Variants in ARL15 observed in about 807,000 individuals in gnomAD.
ARL15 encodes the protein ADP-ribosylation factor-like protein 15.
A neutral mutation model predicts 25.2 loss-of-function variants in ARL15; 19 were observed. The observed-to-expected ratio is 0.75, with a 90% CI of 0.53 to 1.10. ARL15 has a LOEUF of 1.10. Ranked by LOEUF, ARL15 falls within the 50% of genes least tolerant of loss-of-function variation. The pLI, the probability that ARL15 is intolerant of heterozygous loss-of-function variation, is 0.00. For missense variants in ARL15, 220 were observed against 246.0 expected (o/e 0.89, Z 0.71); for synonymous variants, 94 against 86.8 (o/e 1.08, Z -0.46).
chr5:54,199,186 T>TA (rs1194094703), intron 1 of ARL15, among the ~76,000 whole-genome samples: 11 of 152,092 alleles, frequency 7.2e-5, no homozygotes, highest in Non-Finnish European at 1.3e-4. Flanking sequence ...CCTAAAACCA[T>TA]AAAAACCCTA....
At position 53,907,583 on chromosome 5, in the gene ARL15, C is replaced by T. The variant is rs531021678; in HGVS notation, c.463-20870G>A. On this transcript the variant is annotated intron_variant, in intron 4 of 4. Coordinates refer to ENST00000504924, the MANE Select transcript of ARL15 (RefSeq NM_019087.3). Reference sequence around the variant, plus strand: ...CGCAATCTCAGCTCACTGCAAGCTCCGCCTCCTGGGTTCACGCCATTCTCC... The same window carrying T: ...CGCAATCTCAGCTCACTGCAAGCTCTGCCTCCTGGGTTCACGCCATTCTCC... Among the ~76,000 whole-genome samples the T allele has an allele frequency of 4.2e-5, 6 of 142,206 alleles. No homozygotes were observed. The South Asian group carries it at 1.2e-3, about 27-fold the overall frequency. 93.3% of individuals were successfully genotyped at this position (142,206 alleles called of 152,430 possible). A position where few individuals can be genotyped will look rare whatever the true frequency, so the allele number is the denominator to read the frequency against.
chr5:54,101,250 ATATT>A (rs1752429463), intron 4 of ARL15, among the ~76,000 whole-genome samples: 2 of 152,122 alleles, frequency 1.3e-5, no homozygotes, highest in Admixed American at 1.3e-4. Flanking sequence ...TAAATAACAT[ATATT>A]TTTCAGTTCG....
At chr5:54,276,169 G>T (rs1214756972) in intron 1 of ARL15, among the ~76,000 whole-genome samples, 1 of 152,138 alleles carries the variant, frequency 6.6e-6, no homozygotes, top group Non-Finnish European at 1.5e-5. Context: ...ATTAAAATGT[G>T]TGATTATGCA....
intron 4 of ARL15, among the ~76,000 whole-genome samples, chr5:54,010,609 T>G (rs999696000): frequency 2.0e-5 from 3 of 152,154 alleles, no homozygotes; most frequent in African/African-American, 7.2e-5. Context: ...AGCCCAAGAC[T>G]GTCCAACACC....
chr5:54,150,077 G>A (rs1245766467), intron 3 of ARL15, among the ~76,000 whole-genome samples: 1 of 152,216 alleles, frequency 6.6e-6, no homozygotes, highest in Non-Finnish European at 1.5e-5. Flanking sequence ...AAGAAGTCAA[G>A]TATGGAAGAG....
intron 1 of ARL15, among the ~76,000 whole-genome samples, chr5:54,266,966 C>T (rs1352547709): frequency 2.6e-5 from 4 of 152,170 alleles, no homozygotes; most frequent in African/African-American, 9.7e-5. Flanking sequence ...TCCATATATT[C>T]CCTGTATCTG....
At chr5:54,307,839 G>C (rs532596973) in intron 1 of ARL15, 1 of 152,184 alleles carries the variant, frequency 6.6e-6, no homozygotes, top group East Asian at 1.9e-4. Context: ...TGATTAAAAA[G>C]AAATGACACA....
intron 1 of ARL15, among the ~76,000 whole-genome samples, chr5:54,303,144 G>C (rs919436545): frequency 6.6e-6 from 1 of 152,112 alleles, no homozygotes; most frequent in Non-Finnish European, 1.5e-5. Flanking sequence ...GCAACAGGCT[G>C]CTTATGGCCT....
intron 4 of ARL15, among the ~76,000 whole-genome samples, chr5:53,923,983 C>T (rs939345387): frequency 2.4e-4 from 36 of 152,116 alleles, no homozygotes; most frequent in Admixed American, 9.8e-4. Flanking sequence ...TTTGAAAAAC[C>T]GCTGAAGGAA....
At chr5:54,150,083 AAGAG>A (rs1754025405) in intron 3 of ARL15, among the ~76,000 whole-genome samples, 2 of 152,178 alleles carry the variant, frequency 1.3e-5, no homozygotes, top group Non-Finnish European at 2.9e-5. Context: ...TCAAGTATGG[AAGAG>A]TTTCCTCTGG....
At chr5:54,056,473 A>C (rs1579746412) in intron 4 of ARL15, among the ~76,000 whole-genome samples, 1 of 151,888 alleles carries the variant, frequency 6.6e-6, no homozygotes, top group African/African-American at 2.4e-5. Flanking sequence ...TTTACTAAAA[A>C]TAAAAAATCA....
intron 3 of ARL15, among the ~76,000 whole-genome samples, chr5:54,154,081 G>C (rs1754149423): frequency 6.6e-6 from 1 of 152,204 alleles, no homozygotes; most frequent in Non-Finnish European, 1.5e-5. Context: ...ATGAAAGACT[G>C]AGTGATGTAT....
At chr5:54,092,075 A>ACACACACACACACACC (rs1430556476) in intron 4 of ARL15, among the ~76,000 whole-genome samples, 36 of 112,532 alleles carry the variant, frequency 3.2e-4, no homozygotes, top group Non-Finnish European at 4.2e-4. Flanking sequence ...CACACACACC[A>ACACACACACACACACC]CCACCACCAC....
intron 1 of ARL15, among the ~76,000 whole-genome samples, chr5:54,230,206 G>T (rs1294172648): frequency 1.3e-5 from 2 of 151,812 alleles, no homozygotes; most frequent in African/African-American, 4.8e-5. Flanking sequence ...AATTAGCTGG[G>T]CATGGTGGCA....
At chr5:54,197,092 CT>C (rs1179805931) in intron 1 of ARL15, among the ~76,000 whole-genome samples, 1 of 151,770 alleles carries the variant, frequency 6.6e-6, no homozygotes, top group African/African-American at 2.4e-5. Context: ...TTTGTACTTC[CT>C]TTCATATTGG....
chr5:54,019,331 G>C (rs1021799578), intron 4 of ARL15, among the ~76,000 whole-genome samples: 3 of 152,112 alleles, frequency 2.0e-5, no homozygotes, highest in Admixed American at 6.6e-5. Context: ...TTTGAGATAA[G>C]GCTAAAGCAA....
At chr5:54,143,825 G>A (rs1223104196) in intron 3 of ARL15, among the ~76,000 whole-genome samples, 3 of 152,034 alleles carry the variant, frequency 2.0e-5, no homozygotes, top group South Asian at 2.1e-4. Context: ...TTTATTATAT[G>A]AGCTGAATAG....
intron 4 of ARL15, among the ~76,000 whole-genome samples, chr5:53,997,247 T>G (rs6884760): frequency 4.6e-5 from 7 of 151,944 alleles, no homozygotes. Context: ...AAGAGTTCCC[T>G]AATCTGAGCT....
At chr5:54,045,616 T>C (rs1340653547) in intron 4 of ARL15, among the ~76,000 whole-genome samples, 1 of 151,348 alleles carries the variant, frequency 6.6e-6, no homozygotes, top group Non-Finnish European at 1.5e-5. Context: ...AAAGCCACCT[T>C]AACATGGCTA....
Sources: allele counts gnomAD v4.1 joint callset (sites outside exome capture counted in the v4.1 genomes callset), GRCh38; gene constraint gnomAD v4.1.1; transcripts MANE v1.5; gene names NCBI Gene and HGNC (gene_info 2026-07-23, HGNC 2026-07-21).